DNAH17: variants seen among roughly 807,000 people sequenced by gnomAD.
The protein encoded by DNAH17 is dynein axonemal heavy chain 17.
A neutral mutation model predicts 485.6 loss-of-function variants in DNAH17; 376 were observed. The ratio of observed to expected loss-of-function variants is 0.77; its 90% CI spans 0.71 to 0.84. DNAH17 has a LOEUF of 0.84. Among genes scored for constraint, DNAH17 ranks in the 40% least tolerant of loss-of-function variants. The pLI is 0.00. For missense variants in DNAH17, 6,370 were observed against 5,839.3 expected, an observed-to-expected ratio of 1.09 and a Z score of -2.96; for synonymous variants, 3,031 against 2,405.9, an observed-to-expected ratio of 1.26 and a Z score of -7.60.
chr17:78,474,420 C>G (rs1176345219), intron 54 of DNAH17, among the ~76,000 whole-genome samples: 1 of 152,242 alleles, frequency 6.6e-6, no homozygotes, highest in African/African-American at 2.4e-5. Context: ...TAAAAACCCT[C>G]AGCAGTGTGT....
At chr17:78,459,459 G>C (rs1217993606) in intron 60 of DNAH17, among the ~76,000 whole-genome samples, 4 of 152,218 alleles carry the variant, frequency 2.6e-5, no homozygotes. Flanking sequence ...AGAGGGATGA[G>C]ATGCAGACGA....
chr17:78,423,966 C>G lies in DNAH17; in HGVS notation c.13329G>C (p.Lys4443Asn). 6.2e-7 allele frequency: 1 copy of G among 1,614,022 alleles called. No homozygotes were observed. The highest frequency in any genetic ancestry group is 8.5e-7 in the Non-Finnish European group (1 of 1,179,902). The change falls in exon 81 of 81, where the codon AAG (lysine) becomes AAC (asparagine). Residue 4443 changes from lysine (K) to asparagine (N), a missense_variant. Coordinates refer to ENST00000389840, the MANE Select transcript of DNAH17 (RefSeq NM_173628.4). ...TCCACTTCGCTGCCTTCTCTTTGGT[C>G]TTCAAGTTAAAGGTCCAGACATAGG... ...GPTYVWTFNL[K>N]TKEKAAKWIL...
intron 19 of DNAH17, among the ~76,000 whole-genome samples, chr17:78,536,531 C>CATG (rs1468919471): frequency 9.4e-4 from 143 of 152,036 alleles, no homozygotes; most frequent in African/African-American, 3.3e-3. Flanking sequence ...AAATACATCA[C>CATG]CAAGCTGGGC....
intron 13 of DNAH17, among the ~76,000 whole-genome samples, chr17:78,559,877 G>A (rs1431697603): frequency 6.6e-6 from 1 of 151,978 alleles, no homozygotes; most frequent in Non-Finnish European, 1.5e-5. Context: ...GCGCCACCTG[G>A]CCTTTTCTTT....
At chr17:78,430,173 G>C (rs1202528254) in intron 75 of DNAH17, among the ~76,000 whole-genome samples, 1 of 152,320 alleles carries the variant, frequency 6.6e-6, no homozygotes, top group South Asian at 2.1e-4. Flanking sequence ...GCCTCCATGT[G>C]CCCGTTTTGG....
intron 42 of DNAH17, 123 bp downstream of exon 42, chr17:78,492,510 C>A: frequency 7.3e-7 from 1 of 1,378,520 alleles, no homozygotes; most frequent in Admixed American, 2.1e-5. Context: ...TTGCAGGCCA[C>A]GTGCCTGTGT....
Position 78,424,085 on chromosome 17 carries a change from G to C in DNAH17, c.13210C>G (p.Pro4404Ala). 6.2e-7 allele frequency: 1 copy of C among 1,613,992 alleles called. No homozygotes were observed. The highest frequency in any genetic ancestry group is 1.7e-5 in the Admixed American group (1 of 60,028). ...GGAATGGCCTTGATGAAGATGACAGGCATGGCCGGGGTCAGCTCTTTCAGC... is the reference window on the plus strand; with the variant it reads ...GGAATGGCCTTGATGAAGATGACAGCCATGGCCGGGGTCAGCTCTTTCAGC... ...ARLKELTPAM[P>A]VIFIKAIPVD... The change falls in exon 81 of 81, where the codon CCT (proline) becomes GCT (alanine). Residue 4404 changes from proline (P) to alanine (A), a missense_variant. Pro to Ala is a conservative substitution (Grantham distance 27). Transcript: ENST00000389840.
intron 13 of DNAH17, among the ~76,000 whole-genome samples, chr17:78,558,758 A>C (rs1429763188): frequency 1.3e-5 from 2 of 152,150 alleles, no homozygotes; most frequent in Non-Finnish European, 2.9e-5. Flanking sequence ...CTGGAATCTA[A>C]CCTTCTGTTT....
chr17:78,439,986 C>T (rs999164065), intron 72 of DNAH17, among the ~76,000 whole-genome samples: 1 of 151,250 alleles, frequency 6.6e-6, no homozygotes, highest in Non-Finnish European at 1.5e-5. Flanking sequence ...TTTTTTGAGA[C>T]AGGGTCTCAA....
chr17:78,440,423 C>T (rs1218618578), intron 72 of DNAH17, among the ~76,000 whole-genome samples: 1 of 151,742 alleles, frequency 6.6e-6, no homozygotes, highest in Non-Finnish European at 1.5e-5. Flanking sequence ...TACCTGGCTA[C>T]GTTTTCTTGT....
intron 14 of DNAH17, among the ~76,000 whole-genome samples, chr17:78,555,577 G>A (rs1295103723): frequency 1.6e-4 from 22 of 140,860 alleles, no homozygotes; most frequent in Non-Finnish European, 3.2e-4. Context: ...GAGGCAAGAA[G>A]GTCAAAAGAG....
intron 11 of DNAH17, among the ~76,000 whole-genome samples, chr17:78,563,686 T>C (rs1530433): frequency 0.75 from 113,311 of 151,996 alleles, 42,729 homozygotes; most frequent in African/African-American, 0.85. Context: ...GGAGATCATG[T>C]GGAAAATTGC....
chr17:78,478,734 C>G, intron 51 of DNAH17: 1 of 383,202 alleles, frequency 2.6e-6, no homozygotes, highest in Non-Finnish European at 4.7e-6. Flanking sequence ...ATCATCACCA[C>G]CATCATCACC....
chr17:78,522,454 G>A (rs975646177), intron 25 of DNAH17: 6 of 315,996 alleles, frequency 1.9e-5, no homozygotes, highest in Middle Eastern at 1.1e-3. Context: ...ATGGAAGGGT[G>A]GAGGCACTGG....
chr17:78,505,175 C>T (rs539362547), intron 31 of DNAH17, 118 bp downstream of exon 31: 31 of 1,334,350 alleles, frequency 2.3e-5, no homozygotes, highest in South Asian at 7.0e-5. Flanking sequence ...GGAGCAGGGG[C>T]GGGCTGGCAG....
intron 31 of DNAH17, among the ~76,000 whole-genome samples, chr17:78,504,254 C>T (rs2090408592): frequency 1.3e-5 from 2 of 151,968 alleles, no homozygotes; most frequent in Admixed American, 1.3e-4. Flanking sequence ...TTAGTAGAGA[C>T]CAGTTTCGCC....
rs561670361 is a variant in DNAH17 at position 78,501,281 on chromosome 17, G to A, written c.5386C>T (p.Arg1796Ter). ...QLRHRWDEEK[R>*]HCFANICDAQ... ...TCGCAGATGTTGGCAAAGCAGTGTC[G>A]CTTCTCTTCGTCCCAGCGATGCCGG... Residue 1796 changes from arginine to a stop codon, truncating the protein, a stop_gained, in exon 35 of 81, where the codon CGA becomes TGA. Transcript: ENST00000389840. LOFTEE classifies it high-confidence loss of function. The A allele has an allele frequency of 1.2e-5, 20 of 1,608,408 alleles. No individual in the cohort carries two copies. In the East Asian group the frequency reaches 3.4e-4, roughly 27 times the overall value.
rs1346265196 is a variant in DNAH17 at position 78,506,773 on chromosome 17, C to A, written c.4750G>T (p.Val1584Phe). The change falls in exon 30 of 81, where the codon GTC (valine) becomes TTC (phenylalanine). Residue 1584 changes from valine (V) to phenylalanine (F), a missense_variant. Transcript: ENST00000389840. ...KRLAFPRFYF[V>F]SSADLLDILS... ...ATGTCCAGGAGGTCAGCCGAGGAGA[C>A]AAAATAGAACCGGGGGAAAGCCAGT... 10 of 1,613,828 alleles carry A rather than the reference C, an allele frequency of 6.2e-6. No homozygotes were observed. Among genetic ancestry groups the A allele is most frequent in the African/African-American group, 1.3e-5 (1 of 74,898 alleles).
At chr17:78,454,356 G>A in intron 64 of DNAH17, 114 bp downstream of exon 64, 1 of 760,774 alleles carries the variant, frequency 1.3e-6, no homozygotes, top group South Asian at 1.8e-5. Context: ...TTTAAAACCT[G>A]TGGGCTAGTA....
Sources: allele counts gnomAD v4.1 joint callset (sites outside exome capture counted in the v4.1 genomes callset), GRCh38; gene constraint gnomAD v4.1.1; transcripts MANE v1.5; gene names NCBI Gene and HGNC (gene_info 2026-07-23, HGNC 2026-07-21).